GNAQ: variants seen among roughly 807,000 people sequenced by gnomAD.
GNAQ encodes the protein G protein subunit alpha q.
In GNAQ, 8 loss-of-function variants were observed where a neutral mutation model predicts 43.9. The observed-to-expected ratio is 0.18, with a 90% CI of 0.11 to 0.33. The LOEUF (loss-of-function observed/expected upper bound fraction) is 0.33. Ranked by LOEUF, GNAQ falls within the 10% of genes least tolerant of loss-of-function variation. The probability of loss-of-function intolerance (pLI) is 1.00; values close to 1 mark genes in which losing one functional copy is unlikely to be tolerated. For synonymous variants in GNAQ, 155 were observed against 170.7 expected (o/e 0.91, Z 0.71); for missense variants, 158 against 450.8 (o/e 0.35, Z 5.88).
In GNAQ at chr9:77,716,604, A is replaced by G. The variant is rs1165890846; in HGVS notation, c.*4719T>C. 1 of 232,828 alleles carries G rather than the reference A, an allele frequency of 4.3e-6. No individual in the cohort carries two copies. Among genetic ancestry groups the G allele is most frequent in the African/African-American group, 2.2e-5 (1 of 45,332 alleles). The allele number at this position is 232,828 out of a possible 1,614,324, so 14.4% of individuals were successfully genotyped here. A position where few individuals can be genotyped will look rare whatever the true frequency, so the allele number is the denominator to read the frequency against. On this transcript the variant is annotated 3_prime_UTR_variant, in exon 7 of 7. Transcript: ENST00000286548. ...CAAAGTAACCTGGACAAAGTTACGT[A>G]GTATTATTCCAGCTTTCTTTCCTGA...
chr9:77,769,084 G>A (rs1826178338), intron 5 of GNAQ, among the ~76,000 whole-genome samples: 1 of 152,186 alleles, frequency 6.6e-6, no homozygotes, highest in Admixed American at 6.5e-5. Context: ...AGCACCTCAT[G>A]TTAGACAGCT....
chr9:78,014,763 G>A (rs1377031233), intron 1 of GNAQ, among the ~76,000 whole-genome samples: 3 of 152,256 alleles, frequency 2.0e-5, no homozygotes, highest in Admixed American at 1.3e-4. Flanking sequence ...AGGTAATGCG[G>A]TAATGACAAA....
chr9:77,830,091 T>G (rs141837184), intron 2 of GNAQ, among the ~76,000 whole-genome samples: 1 of 152,180 alleles, frequency 6.6e-6, no homozygotes. Flanking sequence ...TAGCTGGGAC[T>G]ACAAGCATGC....
intron 1 of GNAQ, among the ~76,000 whole-genome samples, chr9:77,944,940 T>A (rs998785561): frequency 6.6e-6 from 1 of 152,166 alleles, no homozygotes; most frequent in African/African-American, 2.4e-5. Context: ...ATGTGGGCTG[T>A]CCCATCCAAG....
intron 2 of GNAQ, among the ~76,000 whole-genome samples, chr9:77,817,550 A>G (rs973943349): frequency 6.6e-6 from 1 of 152,150 alleles, no homozygotes; most frequent in Non-Finnish European, 1.5e-5. Context: ...CCTCTTTATA[A>G]CTTAATTTTC....
chr9:77,888,484 G>T (rs904161046), intron 2 of GNAQ, among the ~76,000 whole-genome samples: 1 of 152,200 alleles, frequency 6.6e-6, no homozygotes, highest in Non-Finnish European at 1.5e-5. Context: ...GGTAAATGCA[G>T]CAAGGAGAAA....
intron 1 of GNAQ, among the ~76,000 whole-genome samples, chr9:77,997,958 T>A (rs1442058417): frequency 6.6e-6 from 1 of 152,186 alleles, no homozygotes; most frequent in Non-Finnish European, 1.5e-5. Flanking sequence ...CGGAAAGAAC[T>A]GCTATATTTC....
chr9:77,735,939 A>ACCT (rs1207059992), intron 5 of GNAQ, among the ~76,000 whole-genome samples: 1 of 152,168 alleles, frequency 6.6e-6, no homozygotes. Context: ...GATAGATGAG[A>ACCT]CAATGCATCC....
chr9:77,721,506 C>G lies in GNAQ; in HGVS notation c.897G>C (p.Gln299His), dbSNP rs374303316. ...VDYFPEYDGP[Q>H]RDAQAAREFI... ...ATTCTCGGGCTGCCTGGGCATCTCT[C>G]TGGGGTCCTTTCGGCCAAGAGACAA... Residue 299 changes from glutamine (Q) to histidine (H), a missense_variant, in exon 7 of 7, where the codon CAG (glutamine) becomes CAC (histidine). Physicochemically the swap from Gln to His is conservative, Grantham distance 24 (BLOSUM62 0). Coordinates refer to ENST00000286548, the MANE Select transcript of GNAQ (RefSeq NM_002072.5). 78 of 1,605,950 alleles carry G rather than the reference C, an allele frequency of 4.9e-5. No individual in the cohort carries two copies. The highest frequency in any genetic ancestry group is 6.6e-5 in the Non-Finnish European group (77 of 1,174,892).
chr9:77,986,998 ATGGTTCC>A (rs1055978473), intron 1 of GNAQ, among the ~76,000 whole-genome samples: 1 of 152,132 alleles, frequency 6.6e-6, no homozygotes, highest in African/African-American at 2.4e-5. Context: ...TATGAAAGAA[ATGGTTCC>A]TAAGTGATGG....
intron 1 of GNAQ, among the ~76,000 whole-genome samples, chr9:77,969,297 C>A (rs555974340): frequency 3.3e-5 from 5 of 152,106 alleles, no homozygotes; most frequent in Non-Finnish European, 5.9e-5. Context: ...TCTAACACAC[C>A]CGAATTACCA....
At chr9:77,914,820 T>C (rs1828868061) in intron 2 of GNAQ, among the ~76,000 whole-genome samples, 2 of 141,104 alleles carry the variant, frequency 1.4e-5, no homozygotes, top group African/African-American at 5.4e-5. Flanking sequence ...TATTTTACTT[T>C]TGAACACCAA....
At chr9:77,884,102 C>T (rs1254551231) in intron 2 of GNAQ, among the ~76,000 whole-genome samples, 2 of 152,108 alleles carry the variant, frequency 1.3e-5, no homozygotes, top group African/African-American at 4.8e-5. Context: ...CAACAACTGA[C>T]AAAAAGAGAC....
At chr9:77,923,207 T>A in intron 1 of GNAQ, among the ~76,000 whole-genome samples, 1 of 152,108 alleles carries the variant, frequency 6.6e-6, no homozygotes, top group East Asian at 1.9e-4. Context: ...AGATAACACA[T>A]ATCCCCTGAA....
chr9:77,904,164 G>C (rs149213851), intron 2 of GNAQ, among the ~76,000 whole-genome samples: 2 of 152,170 alleles, frequency 1.3e-5, no homozygotes, highest in African/African-American at 4.8e-5. Flanking sequence ...GATCTATCCT[G>C]CATCTACTTG....
chr9:77,848,756 T>C (rs535928455), intron 2 of GNAQ, among the ~76,000 whole-genome samples: 34 of 152,346 alleles, frequency 2.2e-4, no homozygotes, highest in Admixed American at 1.4e-3. Flanking sequence ...TCACTGTGCA[T>C]GGCTTCTGGC....
At chr9:77,909,818 G>A (rs1319883554) in intron 2 of GNAQ, among the ~76,000 whole-genome samples, 5 of 152,006 alleles carry the variant, frequency 3.3e-5, no homozygotes, top group Admixed American at 2.6e-4. Context: ...ACATTTATAC[G>A]GGAAAAGCCA....
chr9:77,742,681 T>C lies in GNAQ; in HGVS notation c.736-14014A>G, dbSNP rs1208020430. 4.6e-5 allele frequency among the ~76,000 whole-genome samples: 7 copies of C among 151,794 alleles called. No homozygotes were observed. The South Asian group carries it at 8.3e-4, about 18-fold the overall frequency. On this transcript the variant is annotated intron_variant, in intron 5 of 6. Transcript: ENST00000286548. ...GCTATTAAACAAGTGCGATGGGTGA[T>C]AGATCCAACACAAAAACACACCTTT... is the stretch of plus-strand genomic sequence containing the variant.
chr9:77,877,219 T>A (rs1828139347), intron 2 of GNAQ, among the ~76,000 whole-genome samples: 1 of 152,234 alleles, frequency 6.6e-6, no homozygotes, highest in Admixed American at 6.5e-5. Context: ...CCCCGAAGAA[T>A]ATTCAAATAT....
Sources: gnomAD v4.1 joint callset for allele counts (sites outside exome capture counted in the v4.1 genomes callset) on GRCh38, gnomAD v4.1.1 for gene constraint, MANE v1.5 for transcripts, NCBI Gene and HGNC (gene_info 2026-07-23, HGNC 2026-07-21) for gene names.